Variants in TRHDE observed in about 807,000 individuals in gnomAD.
TRHDE encodes the protein thyrotropin releasing hormone degrading enzyme.
TRHDE carries 72 observed loss-of-function variants against 125.7 expected under a neutral mutation model. The ratio of observed to expected loss-of-function variants is 0.57; its 90% CI spans 0.47 to 0.70. TRHDE has a LOEUF of 0.70. Ranked by LOEUF, TRHDE falls within the 30% of genes least tolerant of loss-of-function variation. TRHDE has a pLI of 0.00. For synonymous variants in TRHDE, 509 were observed against 509.1 expected, an observed-to-expected ratio of 1.00 and a Z score of 0.00; for missense variants, 1,110 against 1,327.1, an observed-to-expected ratio of 0.84 and a Z score of 2.54.
intron 2 of TRHDE, among the ~76,000 whole-genome samples, chr12:72,168,879 A>T (rs1365532078): frequency 1.3e-5 from 2 of 152,162 alleles, no homozygotes; most frequent in African/African-American, 4.8e-5. Flanking sequence ...TACAGGACTG[A>T]GTTTCTTTAC....
intron 2 of TRHDE, among the ~76,000 whole-genome samples, chr12:72,144,411 C>T (rs964218557): frequency 6.6e-6 from 1 of 152,270 alleles, no homozygotes; most frequent in African/African-American, 2.4e-5. Context: ...AGGGGCATAA[C>T]TTGCTCCAAA....
intron 3 of TRHDE, among the ~76,000 whole-genome samples, chr12:72,410,118 A>T (rs1873431662): frequency 1.3e-5 from 2 of 152,186 alleles, no homozygotes; most frequent in Admixed American, 6.5e-5. Flanking sequence ...AAATAATATT[A>T]GGGCTTTATT....
chr12:72,619,097 C>G, intron 13 of TRHDE, 59 bp downstream of exon 13: 1 of 1,311,248 alleles, frequency 7.6e-7, no homozygotes, highest in Non-Finnish European at 1.0e-6. Context: ...TATTCTCTTT[C>G]TACTATTATA....
intron 4 of TRHDE, 112 bp downstream of exon 4, chr12:72,470,024 A>T (rs1565754608): frequency 9.5e-7 from 1 of 1,055,692 alleles, no homozygotes; most frequent in Non-Finnish European, 1.4e-6. Context: ...TTAATTTTAT[A>T]TGGAGCACTG....
chr12:72,471,939 G>A (rs1347215885), intron 4 of TRHDE, among the ~76,000 whole-genome samples: 2 of 152,104 alleles, frequency 1.3e-5, no homozygotes, highest in African/African-American at 2.4e-5. Context: ...TTCTTCTGTT[G>A]CTTAAATAGC....
chr12:72,557,111 G>A (rs145200306), intron 7 of TRHDE, among the ~76,000 whole-genome samples: 5 of 152,280 alleles, frequency 3.3e-5, no homozygotes, highest in African/African-American at 1.2e-4. Flanking sequence ...TCCTTAAGAT[G>A]CAGTAACAGA....
intron 3 of TRHDE, among the ~76,000 whole-genome samples, chr12:72,439,648 A>G (rs568150273): frequency 6.6e-6 from 1 of 151,856 alleles, no homozygotes; most frequent in South Asian, 2.1e-4. Flanking sequence ...GCTTCAGTGG[A>G]GTCTTTAGGG....
intron 6 of TRHDE, among the ~76,000 whole-genome samples, chr12:72,524,651 A>C (rs544588493): frequency 6.6e-6 from 1 of 152,278 alleles, no homozygotes; most frequent in South Asian, 2.1e-4. Context: ...GAACTCAGTG[A>C]TGGCCCATCT....
intron 12 of TRHDE, among the ~76,000 whole-genome samples, chr12:72,617,106 C>T (rs901403711): frequency 6.6e-6 from 1 of 152,068 alleles, no homozygotes; most frequent in African/African-American, 2.4e-5. Flanking sequence ...AAATTTCATG[C>T]TATTTCTACA....
intron 10 of TRHDE, 80 bp from the exon 11 acceptor site, chr12:72,575,175 A>G: frequency 7.5e-7 from 1 of 1,340,134 alleles, no homozygotes. Flanking sequence ...TGGTATTGTT[A>G]TATCTGGCGT....
rs1015718640 is a variant in TRHDE, at chr12:72,357,538, A to T, written c.1189-20457A>T. On this transcript the variant is annotated intron_variant, in intron 2 of 18. Coordinates refer to ENST00000261180, the MANE Select transcript of TRHDE (RefSeq NM_013381.3). ...CATCCATGTTGTGACAAATGGCAGG[A>T]TCTCCTCCTTTTTAAAGACTGAATA... is the stretch of plus-strand genomic sequence containing the variant. 1.4e-4 allele frequency among the ~76,000 whole-genome samples: 21 copies of T among 151,402 alleles called. No homozygotes were observed. The Admixed American group carries it at 1.4e-3, about 10-fold the overall frequency.
chr12:72,272,148 G>T (rs1565678665), upstream of TRHDE: 1 of 457,500 alleles, frequency 2.2e-6, no homozygotes, highest in Non-Finnish European at 4.4e-6. This position sits in a 1 kb window ranked among gnomAD's most constrained non-coding sequence, Gnocchi z 6.7. Context: ...CCACCCAGAG[G>T]ACCGAACGCC....
At chr12:72,372,777 G>T (rs1168242261) in intron 2 of TRHDE, among the ~76,000 whole-genome samples, 1 of 152,150 alleles carries the variant, frequency 6.6e-6, no homozygotes, top group Admixed American at 6.5e-5. Flanking sequence ...GTACCATGCT[G>T]TTTTGGTTAC....
At chr12:72,649,873 AAC>A (rs1874435433) in intron 15 of TRHDE, among the ~76,000 whole-genome samples, 1 of 152,116 alleles carries the variant, frequency 6.6e-6, no homozygotes, top group African/African-American at 2.4e-5. Context: ...AAAAAAACAA[AAC>A]ACAGCAAATG....
chr12:72,527,669 G>C (rs532490394), intron 6 of TRHDE, among the ~76,000 whole-genome samples: 4 of 151,040 alleles, frequency 2.6e-5, no homozygotes, highest in Admixed American at 6.6e-5. Context: ...TATTATTTTC[G>C]TAAGAATCAC....
intron 2 of TRHDE, among the ~76,000 whole-genome samples, chr12:72,260,221 A>G (rs1306314822): frequency 6.6e-6 from 1 of 152,190 alleles, no homozygotes; most frequent in Non-Finnish European, 1.5e-5. Flanking sequence ...GTAGGACTCT[A>G]TTGTATAGCC....
At chr12:72,304,823 C>A (rs1683794501) in intron 2 of TRHDE, among the ~76,000 whole-genome samples, 1 of 152,126 alleles carries the variant, frequency 6.6e-6, no homozygotes, top group Non-Finnish European at 1.5e-5. Flanking sequence ...ATAGGGAATT[C>A]ATTTCTCCAG....
intron 2 of TRHDE, among the ~76,000 whole-genome samples, chr12:72,299,262 A>T (rs1049566263): frequency 8.5e-5 from 13 of 152,210 alleles, no homozygotes; most frequent in African/African-American, 3.1e-4. Context: ...AAGGGTGAAT[A>T]TTCAGAGTGG....
At chr12:72,098,513 TAG>T (rs1176595875) in intron 1 of TRHDE, among the ~76,000 whole-genome samples, 1 of 152,218 alleles carries the variant, frequency 6.6e-6, no homozygotes, top group Admixed American at 6.5e-5. Flanking sequence ...TTCTGTAATT[TAG>T]AGGCGGAATC....
Sources: allele counts gnomAD v4.1 joint callset (sites outside exome capture counted in the v4.1 genomes callset), GRCh38; gene constraint gnomAD v4.1.1; non-coding constraint Gnocchi (gnomAD v3.1); transcripts MANE v1.5; gene names NCBI Gene and HGNC (gene_info 2026-07-23, HGNC 2026-07-21).